EPHB1: variants seen among roughly 807,000 people sequenced by gnomAD.
EPHB1 encodes ephrin type-B receptor 1.
Under a neutral mutation model 94.4 loss-of-function variants are expected in EPHB1, and 30 were observed. That is an observed-to-expected ratio of 0.32 (90% confidence interval 0.24 to 0.43). EPHB1 has a LOEUF of 0.43. Ranked by LOEUF, EPHB1 falls within the 20% of genes least tolerant of loss-of-function variation. The probability of loss-of-function intolerance (pLI) is 1.00; values close to 1 mark genes in which losing one functional copy is unlikely to be tolerated. For synonymous variants in EPHB1, 522 were observed against 489.1 expected, an observed-to-expected ratio of 1.07 and a Z score of -0.89; for missense variants, 1,055 against 1,308.3, an observed-to-expected ratio of 0.81 and a Z score of 2.99.
In EPHB1 at chr3:135,180,201, T is replaced by C. The variant is rs571239008; in HGVS notation, c.1882+219T>C. Reference sequence around the variant, plus strand: ...GGGACCTTGACCATGGTGGCCAAGCTTGTCTGTTGTTGCAGAAAAGTCAGC... The same window carrying C: ...GGGACCTTGACCATGGTGGCCAAGCCTGTCTGTTGTTGCAGAAAAGTCAGC... On this transcript the variant is annotated intron_variant, in intron 10 of 15. Coordinates refer to ENST00000398015, the MANE Select transcript of EPHB1 (RefSeq NM_004441.5). Among the ~76,000 whole-genome samples the C allele has an allele frequency of 9.2e-5, 14 of 152,330 alleles. No individual in the cohort carries two copies. In the South Asian group the frequency reaches 2.1e-3, roughly 23 times the overall value.
intron 1 of EPHB1, among the ~76,000 whole-genome samples, chr3:134,882,765 C>CCTTCCTTTCTTCTTTCTTTCTTT (rs1553861897): frequency 2.5e-5 from 2 of 79,880 alleles, no homozygotes; most frequent in Admixed American, 1.4e-4. Flanking sequence ...TTCCTTCCTT[C>CCTTCCTTTCTTCTTTCTTTCTTT]CTTTCTTTCT....
chr3:135,001,171 C>A (rs1190637500), intron 3 of EPHB1, among the ~76,000 whole-genome samples: 1 of 152,160 alleles, frequency 6.6e-6, no homozygotes, highest in Non-Finnish European at 1.5e-5. Context: ...CTGTCTCCAG[C>A]AGTGTGAAGC....
intron 1 of EPHB1, among the ~76,000 whole-genome samples, chr3:134,810,100 A>G (rs962953925): frequency 6.6e-6 from 1 of 152,238 alleles, no homozygotes; most frequent in African/African-American, 2.4e-5. Context: ...AAGTTTTAAC[A>G]TAGGTATGTG....
rs1439210816 is a variant in EPHB1, at chr3:135,259,791, A to C, written c.*671A>C. The C allele has an allele frequency of 4.6e-6, 1 of 215,980 alleles. No homozygotes were observed. Among genetic ancestry groups the C allele is most frequent in the Non-Finnish European group, 9.3e-6 (1 of 107,510 alleles). 13.4% of individuals were successfully genotyped at this position (215,980 alleles called of 1,614,324 possible). On this transcript the variant is annotated 3_prime_UTR_variant, in exon 16 of 16. Coordinates refer to ENST00000398015, the MANE Select transcript of EPHB1 (RefSeq NM_004441.5). ...TTGTTTGCATTTTCTGCAAAAAGGA[A>C]AAAGAAACCACAAATTGGGGAAAAA...
rs1933030065 is a variant in EPHB1 at position 134,951,510 on chromosome 3, A to G, written c.263A>G (p.Glu88Gly). ...NRRGAHRIYT[E>G]MRFTVRDCSS... The stretch of plus-strand genomic sequence containing the variant: ...CGGGGGGCCCATCGCATCTACACAG[A>G]GATGCGCTTCACTGTGAGAGACTGC... Residue 88 changes from glutamate to glycine, a missense_variant, in exon 3 of 16, where the codon GAG becomes GGG. By Grantham distance (98) the Glu-to-Gly change is moderately conservative. Coordinates refer to ENST00000398015, the MANE Select transcript of EPHB1 (RefSeq NM_004441.5). This position sits in a 1 kb window ranked among gnomAD's most constrained non-coding sequence, Gnocchi z 4.5. 6.2e-7 allele frequency: 1 copy of G among 1,613,708 alleles called. No individual in the cohort carries two copies. The highest frequency in any genetic ancestry group is 1.7e-5 in the Admixed American group (1 of 59,986).
intron 3 of EPHB1, among the ~76,000 whole-genome samples, chr3:134,969,045 G>A (rs1362635457): frequency 6.6e-6 from 1 of 152,186 alleles, no homozygotes; most frequent in Non-Finnish European, 1.5e-5. Context: ...ACCCAGGCAA[G>A]CTCTTATTGA....
chr3:135,127,912 A>T (rs1940269190), intron 4 of EPHB1, among the ~76,000 whole-genome samples: 1 of 152,162 alleles, frequency 6.6e-6, no homozygotes, highest in East Asian at 1.9e-4. Context: ...ACCCATCTTC[A>T]AAACTCATGA....
chr3:134,979,521 G>T (rs528351259), intron 3 of EPHB1, among the ~76,000 whole-genome samples: 1 of 152,314 alleles, frequency 6.6e-6, no homozygotes, highest in South Asian at 2.1e-4. Flanking sequence ...AACAGTGAGC[G>T]TTTGTACAGG....
intron 3 of EPHB1, among the ~76,000 whole-genome samples, chr3:135,018,612 T>C (rs1180583710): frequency 3.3e-5 from 5 of 152,180 alleles, no homozygotes; most frequent in Non-Finnish European, 7.3e-5. Flanking sequence ...TTTGAACAAA[T>C]TTAGCAGATA....
intron 1 of EPHB1, among the ~76,000 whole-genome samples, chr3:134,809,892 C>T (rs556261495): frequency 2.0e-5 from 3 of 152,222 alleles, no homozygotes; most frequent in South Asian, 2.1e-4. Flanking sequence ...GGACAGGCAG[C>T]GAATTAGGTC....
intron 1 of EPHB1, among the ~76,000 whole-genome samples, chr3:134,908,367 T>C (rs977895275): frequency 1.3e-5 from 2 of 151,546 alleles, no homozygotes; most frequent in African/African-American, 2.4e-5. Flanking sequence ...ATAGGCTGTC[T>C]TGGGCCCAGG....
At chr3:134,988,481 T>G (rs1384329430) in intron 3 of EPHB1, among the ~76,000 whole-genome samples, 1 of 152,234 alleles carries the variant, frequency 6.6e-6, no homozygotes, top group South Asian at 2.1e-4. Flanking sequence ...CTAATGACTG[T>G]TGGGTTCTAT....
At position 135,241,231 on chromosome 3, in the gene EPHB1, T is replaced by C. The variant is rs1943775565; in HGVS notation, c.2430T>C (p.Tyr810=). 1 of 1,614,200 alleles carries C rather than the reference T, an allele frequency of 6.2e-7. No homozygotes were observed. Among genetic ancestry groups the C allele is most frequent in the African/African-American group, 1.3e-5 (1 of 75,054 alleles). ...CTTCAGCCAGCGACGTTTGGAGCTA[T>C]GGGATCGTCATGTGGGAAGTCATGT... ...KFTSASDVWS[Y]GIVMWEVMSF... The change falls in exon 13 of 16, where the codon TAT becomes TAC. Residue 810 remains tyrosine (Y), a synonymous_variant. Transcript: ENST00000398015.
At chr3:134,959,899 T>TTGGTCCCC (rs1394814864) in intron 3 of EPHB1, among the ~76,000 whole-genome samples, 1 of 149,488 alleles carries the variant, frequency 6.7e-6, no homozygotes, top group Non-Finnish European at 1.5e-5. Flanking sequence ...TCCTTTGCTT[T>TTGGTCCCC]TGGTCCCCAT....
intron 2 of EPHB1, among the ~76,000 whole-genome samples, chr3:134,932,391 A>C (rs544192030): frequency 1.1e-4 from 17 of 152,262 alleles, no homozygotes; most frequent in South Asian, 2.1e-4. Context: ...AGGAAAGCAC[A>C]CTCAGGAGAG....
At chr3:135,122,007 G>A (rs1404580) in intron 4 of EPHB1, among the ~76,000 whole-genome samples, 152,154 of 152,300 alleles carry the variant, frequency 1, 76,004 homozygotes, top group East Asian at 1. Flanking sequence ...CCAAGTTCCC[G>A]TAGCACAATG....
chr3:134,894,048 A>G lies in EPHB1; in HGVS notation c.59-31768A>G, dbSNP rs374586995. Among the ~76,000 whole-genome samples, 4 of 152,150 alleles carry G rather than the reference A, an allele frequency of 2.6e-5. No individual in the cohort carries two copies. In the East Asian group the frequency reaches 5.8e-4, roughly 22 times the overall value. ...CCACACCTCTTTTATTCCAATGTGC[A>G]TGGCAGTTCTTCCTCCCCACTTACC... On this transcript the variant is annotated intron_variant, in intron 1 of 15. Transcript: ENST00000398015.
chr3:135,108,133 C>A (rs1376957420), intron 4 of EPHB1, among the ~76,000 whole-genome samples: 1 of 152,164 alleles, frequency 6.6e-6, no homozygotes, highest in Non-Finnish European at 1.5e-5. Flanking sequence ...TTCTCATTAA[C>A]CCCTCAGGTG....
intron 11 of EPHB1, among the ~76,000 whole-genome samples, chr3:135,196,702 T>C (rs972540628): frequency 1.3e-5 from 2 of 152,136 alleles, no homozygotes; most frequent in African/African-American, 4.8e-5. Flanking sequence ...AGTCTTCAAT[T>C]TCTGGAACTG....
Sources: allele counts gnomAD v4.1 joint callset (sites outside exome capture counted in the v4.1 genomes callset), GRCh38; gene constraint gnomAD v4.1.1; non-coding constraint Gnocchi (gnomAD v3.1); transcripts MANE v1.5; gene names NCBI Gene and HGNC (gene_info 2026-07-23, HGNC 2026-07-21).